Variants in TAFA1 observed in about 807,000 individuals in gnomAD.
The protein encoded by TAFA1 is chemokine-like protein TAFA-1.
Under a neutral mutation model 18.5 loss-of-function variants are expected in TAFA1, and 4 were observed. That is an observed-to-expected ratio of 0.22 (90% CI 0.11 to 0.49). TAFA1 has a LOEUF of 0.49. TAFA1 is among the 20% of genes least tolerant of loss of function. TAFA1 has a pLI of 0.98. For missense variants in TAFA1, 147 were observed against 169.0 expected (o/e 0.87, Z 0.72); for synonymous variants, 56 against 55.2 (o/e 1.01, Z -0.06).
chr3:68,312,635 A>T (rs756523885), intron 2 of TAFA1, among the ~76,000 whole-genome samples: 4 of 152,182 alleles, frequency 2.6e-5, no homozygotes, highest in Non-Finnish European at 4.4e-5. Flanking sequence ...TTTATTGTCC[A>T]TATCACTATG....
rs113782983 is a variant in TAFA1, at chr3:68,103,319, G to A, written c.118+96575G>A. On this transcript the variant is annotated intron_variant, in intron 2 of 4. Transcript: ENST00000478136. ...CAGGAAGGGCTGACCCAACATATTT[G>A]AGGAGGAAGTGTTGTATGGTAATTG... 4.7e-3 allele frequency among the ~76,000 whole-genome samples: 722 copies of A among 152,344 alleles called. 3 individuals are homozygous for A. The highest frequency in any genetic ancestry group is 0.014 in the African/African-American group (593 of 41,584).
chr3:68,089,810 G>A (rs1202004919), intron 2 of TAFA1, among the ~76,000 whole-genome samples: 2 of 152,128 alleles, frequency 1.3e-5, no homozygotes, highest in Non-Finnish European at 1.5e-5. Context: ...TCTGGGCTAG[G>A]TCTTGTTAGG....
chr3:68,187,610 C>T (rs1329273255), intron 2 of TAFA1, among the ~76,000 whole-genome samples: 4 of 151,974 alleles, frequency 2.6e-5, no homozygotes, highest in African/African-American at 9.7e-5. Context: ...TTACAAGTAA[C>T]AATGCCATGA....
At chr3:68,054,488 T>C (rs891753211) in intron 2 of TAFA1, among the ~76,000 whole-genome samples, 9 of 152,234 alleles carry the variant, frequency 5.9e-5, no homozygotes, top group South Asian at 2.1e-4. Context: ...AAACCTTTTT[T>C]CTTTATAAAT....
chr3:68,264,628 T>G (rs2067504223), intron 2 of TAFA1, among the ~76,000 whole-genome samples: 1 of 151,988 alleles, frequency 6.6e-6, no homozygotes. Flanking sequence ...AGTGTAGAAG[T>G]AAACTAGCAT....
intron 2 of TAFA1, among the ~76,000 whole-genome samples, chr3:68,176,989 A>G (rs564465579): frequency 1.3e-5 from 2 of 152,264 alleles, no homozygotes; most frequent in East Asian, 3.9e-4. Context: ...AAGATGTTTT[A>G]TAGACTGGTG....
intron 2 of TAFA1, among the ~76,000 whole-genome samples, chr3:68,335,336 T>A (rs983824496): frequency 1.3e-5 from 2 of 152,166 alleles, no homozygotes; most frequent in African/African-American, 4.8e-5. Flanking sequence ...TGTCTATTAT[T>A]TAGTTATTTG....
At position 68,386,320 on chromosome 3, in the gene TAFA1, G is replaced by A. The variant is rs116910728; in HGVS notation, c.119-30960G>A. On this transcript the variant is annotated intron_variant, in intron 2 of 4. Coordinates refer to ENST00000478136, the MANE Select transcript of TAFA1 (RefSeq NM_213609.4). Reference sequence around the variant, plus strand: ...TTATATGACACTACAGTTCACAATCGTAATCATATCACATTTTTTAGATTA... The same window carrying A: ...TTATATGACACTACAGTTCACAATCATAATCATATCACATTTTTTAGATTA... Among the ~76,000 whole-genome samples, 239 of 152,252 alleles carry A rather than the reference G, an allele frequency of 1.6e-3. 1 individual carries two copies. In the East Asian group the frequency reaches 0.026, roughly 17 times the overall value.
intron 2 of TAFA1, among the ~76,000 whole-genome samples, chr3:68,287,920 G>GT (rs2068042275): frequency 3.7e-5 from 4 of 108,264 alleles, no homozygotes; most frequent in South Asian, 3.3e-4. Context: ...GGGGTGGGGG[G>GT]GCTTTTTGAA....
chr3:68,206,000 C>A (rs780754943), intron 2 of TAFA1, among the ~76,000 whole-genome samples: 220 of 151,868 alleles, frequency 1.4e-3, no homozygotes, highest in Non-Finnish European at 2.3e-3. Flanking sequence ...AAAGATATAA[C>A]CTAAAATTCC....
intron 2 of TAFA1, among the ~76,000 whole-genome samples, chr3:68,183,939 C>A (rs1043571147): frequency 6.6e-6 from 1 of 152,092 alleles, no homozygotes; most frequent in Non-Finnish European, 1.5e-5. Flanking sequence ...TGTAAGCTAA[C>A]CTTGGTCTTC....
At chr3:68,392,078 A>G (rs1194225138) in intron 2 of TAFA1, among the ~76,000 whole-genome samples, 1 of 151,848 alleles carries the variant, frequency 6.6e-6, no homozygotes, top group Non-Finnish European at 1.5e-5. Context: ...TTGGATAAAG[A>G]GTCAACACCC....
chr3:68,285,318 T>C lies in TAFA1; in HGVS notation c.119-131962T>C, dbSNP rs144406672. Among the ~76,000 whole-genome samples the C allele has an allele frequency of 7.3e-3, 1,117 of 152,204 alleles. 9 individuals are homozygous for C. The highest frequency in any genetic ancestry group is 0.011 in the Non-Finnish European group (775 of 68,008). On this transcript the variant is annotated intron_variant, in intron 2 of 4. Coordinates refer to ENST00000478136, the MANE Select transcript of TAFA1 (RefSeq NM_213609.4). ...AAGGAACTTTCTGGGAGGGTGAAAG[T>C]GTTGTAAGTGTTGTAAATATTGATC...
chr3:68,138,707 G>A (rs541147887), intron 2 of TAFA1, among the ~76,000 whole-genome samples: 11 of 152,286 alleles, frequency 7.2e-5, no homozygotes, highest in Middle Eastern at 3.4e-3. Context: ...CCGTCTACAT[G>A]AGCAGTTTAT....
intron 2 of TAFA1, among the ~76,000 whole-genome samples, chr3:68,131,841 C>T (rs759448368): frequency 1.3e-5 from 2 of 151,654 alleles, no homozygotes; most frequent in Non-Finnish European, 2.9e-5. Flanking sequence ...AGCTTTTTTA[C>T]CTGTGAAATA....
intron 2 of TAFA1, among the ~76,000 whole-genome samples, chr3:68,124,980 G>A (rs376329547): frequency 6.6e-6 from 1 of 152,186 alleles, no homozygotes; most frequent in Non-Finnish European, 1.5e-5. Flanking sequence ...AAACAAAATC[G>A]TCATCCACTT....
intron 3 of TAFA1, among the ~76,000 whole-genome samples, chr3:68,525,796 C>T (rs1319564612): frequency 6.6e-6 from 1 of 152,030 alleles, no homozygotes; most frequent in Admixed American, 6.5e-5. Context: ...TATCAGTCTC[C>T]CCTAGAGACT....
chr3:68,139,999 G>C (rs905519435), intron 2 of TAFA1, among the ~76,000 whole-genome samples: 8 of 152,152 alleles, frequency 5.3e-5, no homozygotes, highest in Non-Finnish European at 1.2e-4. Flanking sequence ...ACTGGAGTGA[G>C]ACTCTAAATA....
chr3:68,103,276 G>A (rs1463777869), intron 2 of TAFA1, among the ~76,000 whole-genome samples: 4 of 152,198 alleles, frequency 2.6e-5, no homozygotes, highest in African/African-American at 7.2e-5. Context: ...AAAGTGCAGG[G>A]GAATTAGCTG....
Sources: allele counts gnomAD v4.1 joint callset (sites outside exome capture counted in the v4.1 genomes callset), GRCh38; gene constraint gnomAD v4.1.1; transcripts MANE v1.5; gene names NCBI Gene and HGNC (gene_info 2026-07-23, HGNC 2026-07-21).